The following MIR2052HG variants were observed in gnomAD, a reference collection of about 807,000 sequenced individuals.
MIR2052HG encodes MIR2052 host gene.
At chr8:74,754,193 C>A (rs1809976295) in intron 5 of MIR2052HG, among the ~76,000 whole-genome samples, 1 of 152,192 alleles carries the variant, frequency 6.6e-6, no homozygotes, top group Admixed American at 6.5e-5. Context: ...AAAACACTAA[C>A]AGAGCACTCA....
chr8:74,669,312 C>T (rs745424168), intron 2 of MIR2052HG, among the ~76,000 whole-genome samples: 3 of 152,160 alleles, frequency 2.0e-5, no homozygotes, highest in Non-Finnish European at 4.4e-5. Flanking sequence ...TCTGTCAGCC[C>T]TGCCTCTTTA....
intron 2 of MIR2052HG, among the ~76,000 whole-genome samples, chr8:74,623,214 A>G (rs73337247): frequency 0.024 from 3,700 of 152,354 alleles, 137 homozygotes; most frequent in African/African-American, 0.08. Flanking sequence ...GCCATTCCAC[A>G]ATATATACAT....
chr8:74,600,831 C>T (rs1485534484), intron 1 of MIR2052HG, among the ~76,000 whole-genome samples: 3 of 152,070 alleles, frequency 2.0e-5, no homozygotes, highest in African/African-American at 7.2e-5. Context: ...GCCTGAGCCT[C>T]CCAAAGTGCT....
chr8:74,639,283 A>C (rs1041586626), intron 2 of MIR2052HG, among the ~76,000 whole-genome samples: 1 of 152,178 alleles, frequency 6.6e-6, no homozygotes, highest in African/African-American at 2.4e-5. Context: ...GTTAAAGTTG[A>C]ATCTGCTTTA....
intron 1 of MIR2052HG, among the ~76,000 whole-genome samples, chr8:74,600,583 A>G (rs1807983047): frequency 6.6e-6 from 1 of 151,012 alleles, no homozygotes; most frequent in South Asian, 2.1e-4. Flanking sequence ...AAAAAAAGAA[A>G]AAGGAAAAAA....
At chr8:74,743,430 C>G (rs903953680) in intron 4 of MIR2052HG, among the ~76,000 whole-genome samples, 1 of 152,122 alleles carries the variant, frequency 6.6e-6, no homozygotes, top group Non-Finnish European at 1.5e-5. Flanking sequence ...AGGCATTTCA[C>G]ATGGGTTTCA....
chr8:74,614,512 T>C (rs890506721), intron 2 of MIR2052HG, among the ~76,000 whole-genome samples: 5 of 152,186 alleles, frequency 3.3e-5, no homozygotes, highest in African/African-American at 1.2e-4. Flanking sequence ...TTCTAGTTTT[T>C]CTTGAATTCA....
At chr8:74,657,284 A>G (rs73687194) in intron 2 of MIR2052HG, among the ~76,000 whole-genome samples, 279 of 152,332 alleles carry the variant, frequency 1.8e-3, no homozygotes, top group African/African-American at 6.4e-3. Flanking sequence ...GGGAGTGAGG[A>G]TGGGGAGGAG....
intron 1 of MIR2052HG, among the ~76,000 whole-genome samples, chr8:74,602,877 T>TTTTCTTTCTTTCTTTCTTTCTTTCTTTC (rs1808041448): frequency 3.7e-4 from 20 of 53,768 alleles, no homozygotes; most frequent in South Asian, 6.1e-4. Context: ...TTCTTTCTTT[T>TTTTCTTTCTTTCTTTCTTTCTTTCTTTC]TTCTATTCAC....
chr8:74,720,798 G>T (rs1434003981), intron 4 of MIR2052HG, among the ~76,000 whole-genome samples: 2 of 152,082 alleles, frequency 1.3e-5, no homozygotes, highest in Admixed American at 6.6e-5. Context: ...AGTTCCACAG[G>T]CCTTTTACCA....
intron 4 of MIR2052HG, among the ~76,000 whole-genome samples, chr8:74,718,071 G>T (rs368635225): frequency 1.3e-4 from 20 of 152,158 alleles, no homozygotes; most frequent in African/African-American, 4.3e-4. Context: ...ACAATGTTAC[G>T]TTGATTACTG....
intron 2 of MIR2052HG, among the ~76,000 whole-genome samples, chr8:74,617,457 GT>G (rs199581898): frequency 0.21 from 4,009 of 19,556 alleles, 149 homozygotes; most frequent in African/African-American, 0.44. Context: ...ATTCCATTGG[GT>G]GTGTGTGTGT....
At chr8:74,709,891 G>A (rs1352633999) in intron 4 of MIR2052HG, among the ~76,000 whole-genome samples, 1 of 151,974 alleles carries the variant, frequency 6.6e-6, no homozygotes, top group Non-Finnish European at 1.5e-5. Flanking sequence ...ATATTTTATT[G>A]GCAGTGGTAA....
intron 2 of MIR2052HG, among the ~76,000 whole-genome samples, chr8:74,635,977 G>A (rs1241237003): frequency 1.3e-5 from 2 of 152,130 alleles, no homozygotes; most frequent in African/African-American, 2.4e-5. Flanking sequence ...CACAGAAAGA[G>A]CAAACAAACT....
intron 2 of MIR2052HG, among the ~76,000 whole-genome samples, chr8:74,624,575 G>T (rs1053200976): frequency 6.6e-6 from 1 of 152,146 alleles, no homozygotes; most frequent in East Asian, 1.9e-4. Flanking sequence ...TAATTTTCTG[G>T]AGTTTGCATA....
At chr8:74,681,501 C>G (rs529501016) in intron 2 of MIR2052HG, among the ~76,000 whole-genome samples, 1 of 152,016 alleles carries the variant, frequency 6.6e-6, no homozygotes, top group South Asian at 2.1e-4. Flanking sequence ...ATGCAACTAC[C>G]ATGGTTTCAA....
chr8:74,752,003 C>T (rs1261339593), intron 4 of MIR2052HG, among the ~76,000 whole-genome samples: 3 of 151,874 alleles, frequency 2.0e-5, no homozygotes, highest in African/African-American at 7.3e-5. Context: ...TAAAAACAGT[C>T]TAGGCATAGT....
chr8:74,680,320 T>C (rs1809108861), intron 2 of MIR2052HG, among the ~76,000 whole-genome samples: 1 of 152,086 alleles, frequency 6.6e-6, no homozygotes, highest in Non-Finnish European at 1.5e-5. Flanking sequence ...ATCATGTTCA[T>C]TGATAGAAAG....
At chr8:74,756,703 G>A (rs1810003469) in intron 5 of MIR2052HG, 1 of 152,008 alleles carries the variant, frequency 6.6e-6, no homozygotes, top group Admixed American at 6.6e-5. Context: ...AAACCAAATG[G>A]ACAGTGATTC....
Sources: allele counts gnomAD v4.1 joint callset (sites outside exome capture counted in the v4.1 genomes callset), GRCh38; gene constraint gnomAD v4.1.1; transcripts MANE v1.5; gene names NCBI Gene and HGNC (gene_info 2026-07-23, HGNC 2026-07-21).